The following NUB1 variants were observed in gnomAD, a reference collection of about 807,000 sequenced individuals.
NUB1 encodes the protein negative regulator of ubiquitin like proteins 1, also known as NEDD8 ultimate buster 1.
In NUB1, 41 loss-of-function variants were observed where a neutral mutation model predicts 77.1. The observed-to-expected ratio is 0.53, with a 90% CI of 0.41 to 0.69. The LOEUF is 0.69. Among genes scored for constraint, NUB1 ranks in the 30% least tolerant of loss-of-function variants. The pLI is 0.00. For missense variants in NUB1, 643 were observed against 743.8 expected, an observed-to-expected ratio of 0.86 and a Z score of 1.58; for synonymous variants, 257 against 281.0, an observed-to-expected ratio of 0.91 and a Z score of 0.85.
Position 151,345,831 on chromosome 7 carries a change from C to T in NUB1, c.117+365C>T, listed in dbSNP as rs1796478733. ...CATTCTCGGTCCTCCTTGCTATCATCATCTGCTGTGAAACAATTGCTCCTT... is the reference window on the plus strand; with the variant it reads ...CATTCTCGGTCCTCCTTGCTATCATTATCTGCTGTGAAACAATTGCTCCTT... On this transcript the variant is annotated intron_variant, in intron 2 of 14. Transcript: ENST00000568733. 1.3e-5 allele frequency among the ~76,000 whole-genome samples: 2 copies of T among 152,190 alleles called. 1 individual carries two copies. The highest frequency in any genetic ancestry group is 1.3e-4 in the Admixed American group (2 of 15,274).
In NUB1 at chr7:151,377,058, G is replaced by T; in HGVS notation, c.1681G>T (p.Ala561Ser). The change falls in exon 15 of 15, where the codon GCC (alanine) becomes TCC (serine). Residue 561 changes from alanine to serine, a missense_variant. Transcript: ENST00000568733. ...GTATTTTATTGTAGGAACCTCTAGT[G>T]CCTCAACAGACGAAGACATGGAGAC... ...SPSDSAGTSS[A>S]STDEDMETEA... The T allele has an allele frequency of 6.4e-7, 1 of 1,560,466 alleles. No individual in the cohort carries two copies. Among genetic ancestry groups the T allele is most frequent in the Non-Finnish European group, 8.7e-7 (1 of 1,154,824 alleles).
intron 12 of NUB1, chr7:151,374,653 G>A (rs1189037774): frequency 3.1e-5 from 7 of 223,576 alleles, no homozygotes; most frequent in Non-Finnish European, 4.6e-5. Flanking sequence ...TTAGTCCATC[G>A]TACATGTTGG....
intron 2 of NUB1, among the ~76,000 whole-genome samples, chr7:151,348,569 C>CTTTT (rs59781719): frequency 0.041 from 2,880 of 69,858 alleles, 475 homozygotes; most frequent in Middle Eastern, 0.12. Flanking sequence ...TTGCTTTTTG[C>CTTTT]TTTTTTTTTT....
In NUB1 at chr7:151,378,118, T is replaced by C. The variant is rs988267788; in HGVS notation, c.*893T>C. ...ATGTGACAGAGGCTCTTTCTAAAAG[T>C]ATGTAGTTCGCTGTGTGTCGGCTCC... On this transcript the variant is annotated 3_prime_UTR_variant, in exon 15 of 15. Transcript: ENST00000568733. The C allele has an allele frequency of 4.6e-5, 7 of 152,188 alleles. No homozygotes were observed. Among genetic ancestry groups the C allele is most frequent in the African/African-American group, 1.7e-4 (7 of 41,436 alleles). The allele number at this position is 152,188 out of a possible 1,614,324, so 9.4% of individuals were successfully genotyped here.
At chr7:151,353,304 G>T (rs1189217935) in intron 5 of NUB1, among the ~76,000 whole-genome samples, 1 of 152,130 alleles carries the variant, frequency 6.6e-6, no homozygotes, top group Non-Finnish European at 1.5e-5. Flanking sequence ...GTCCAGTGTG[G>T]CTGTGTGTGG....
At chr7:151,342,003 C>T (rs1299050522) in intron 1 of NUB1, 157 bp downstream of exon 1, 2 of 1,261,032 alleles carry the variant, frequency 1.6e-6, no homozygotes, top group African/African-American at 3.1e-5. Flanking sequence ...GGGGCCGGGG[C>T]CGGGGCCGGG....
chr7:151,356,076 A>G lies in NUB1; in HGVS notation c.599-52A>G, dbSNP rs1797050508. ...GTCTAACATTTTTAAGGCTGTCATC[A>G]TCATAACTGTTTAACATTGAGTTCA... On this transcript the variant is annotated intron_variant, in intron 6 of 14. Coordinates refer to ENST00000568733, the MANE Select transcript of NUB1 (RefSeq NM_001243351.2). 6.4e-6 allele frequency: 10 copies of G among 1,561,370 alleles called. No individual in the cohort carries two copies. The South Asian group carries it at 8.9e-5, about 14-fold the overall frequency.
rs755214893 is a variant in NUB1 at position 151,377,177 on chromosome 7, G to A, written c.1800G>A (p.Glu600=). ...AAGATGAAGAAATTATTATTGCAGAGTACCTATCCTATGTAGAAAATAGGA... is the reference window on the plus strand; with the variant it reads ...AAGATGAAGAAATTATTATTGCAGAATACCTATCCTATGTAGAAAATAGGA... ...TLEDEEIIIA[E]YLSYVENRKS... is the part of the protein sequence containing the mutation. The change falls in exon 15 of 15, where the codon GAG becomes GAA. Residue 600 remains glutamate (E), a synonymous_variant. Transcript: ENST00000568733. The A allele has an allele frequency of 1.1e-5, 17 of 1,585,714 alleles. No individual in the cohort carries two copies. Among genetic ancestry groups the A allele is most frequent in the Admixed American group, 7.2e-5 (4 of 55,360 alleles).
In NUB1 at chr7:151,349,504, G is replaced by A. The variant is rs542201322; in HGVS notation, c.285+264G>A. 1.0e-3 allele frequency among the ~76,000 whole-genome samples: 159 copies of A among 152,330 alleles called. 1 individual carries two copies. The highest frequency in any genetic ancestry group is 6.5e-4 in the African/African-American group (27 of 41,572). ...TTCTGATCCTTTCTAGCGTGTGAAC[G>A]TTGAGAAATAATGGGGAATAAAGGA... On this transcript the variant is annotated intron_variant, in intron 3 of 14. Transcript: ENST00000568733.
intron 9 of NUB1, among the ~76,000 whole-genome samples, 195 bp downstream of exon 9, chr7:151,367,320 T>C (rs555126363): frequency 3.3e-5 from 5 of 152,354 alleles, no homozygotes; most frequent in African/African-American, 1.2e-4. Flanking sequence ...ACTTAGCGTG[T>C]GAGCATTTAG....
chr7:151,352,976 G>A (rs990860464), intron 5 of NUB1, 94 bp downstream of exon 5: 32 of 671,184 alleles, frequency 4.8e-5, no homozygotes, highest in Middle Eastern at 6.1e-4. Flanking sequence ...AAAATTTGTA[G>A]CTTTATTTCA....
intron 2 of NUB1, among the ~76,000 whole-genome samples, chr7:151,346,484 G>A (rs995232136): frequency 6.6e-6 from 1 of 152,192 alleles, no homozygotes; most frequent in African/African-American, 2.4e-5. Flanking sequence ...GTACCAAGCC[G>A]TGATTAGACA....
intron 3 of NUB1, among the ~76,000 whole-genome samples, chr7:151,350,125 C>A (rs1292322806): frequency 6.6e-6 from 1 of 152,242 alleles, no homozygotes; most frequent in South Asian, 2.1e-4. Context: ...TCAGAAAGAT[C>A]AAAGACGTTA....
At chr7:151,353,547 C>G (rs528519187) in intron 5 of NUB1, among the ~76,000 whole-genome samples, 55 of 152,112 alleles carry the variant, frequency 3.6e-4, no homozygotes, top group Non-Finnish European at 7.5e-4. Context: ...ATGTCAGTAG[C>G]GCAGCTGTTG....
rs1584974072 is a variant in NUB1 at position 151,374,168 on chromosome 7, A to C, written c.1320A>C (p.Lys440Asn). The C allele has an allele frequency of 6.3e-7, 1 of 1,576,970 alleles. No individual in the cohort carries two copies. The change falls in exon 12 of 15, where the codon AAA (lysine) becomes AAC (asparagine). Residue 440 changes from lysine to asparagine, a missense_variant. By Grantham distance (94) the Lys-to-Asn change is moderately conservative. Coordinates refer to ENST00000568733, the MANE Select transcript of NUB1 (RefSeq NM_001243351.2). ...RRRLENIRFLKGMGYSTHAAQ... is the reference protein window; with the variant it reads ...RRRLENIRFLNGMGYSTHAAQ... ...GCCTCGAGAACATCAGGTTTCTGAAAGGGATGGGCTACTCCACGCACGCGG... is the reference window on the plus strand; with the variant it reads ...GCCTCGAGAACATCAGGTTTCTGAACGGGATGGGCTACTCCACGCACGCGG...
chr7:151,376,919 A>G, intron 14 of NUB1, 108 bp downstream of exon 14: 1 of 1,435,264 alleles, frequency 7.0e-7, no homozygotes, highest in Non-Finnish European at 9.3e-7. Context: ...GCGTCCCCTG[A>G]CGTCACCGGG....
At chr7:151,346,424 T>C (rs1796508458) in intron 2 of NUB1, among the ~76,000 whole-genome samples, 1 of 152,232 alleles carries the variant, frequency 6.6e-6, no homozygotes, top group African/African-American at 2.4e-5. Flanking sequence ...TTTGTGCTCA[T>C]GAGGCTTGGT....
intron 12 of NUB1, chr7:151,374,511 T>C (rs1273119017): frequency 3.6e-6 from 2 of 553,440 alleles, no homozygotes; most frequent in South Asian, 2.2e-5. Flanking sequence ...GGACTTTGTG[T>C]AGGGTTTCTG....
In NUB1 at chr7:151,367,960, C is replaced by A; in HGVS notation, c.1087C>A (p.Leu363Ile). The change falls in exon 10 of 15, where the codon CTT becomes ATT. Residue 363 changes from leucine (L) to isoleucine (I), a missense_variant. Transcript: ENST00000568733. Reference sequence around the variant, plus strand: ...AAATGATGTAGAGGCTTATGAGTATCTTAACAAGGTAAGAAAAGTAAAGTT... The same window carrying A: ...AAATGATGTAGAGGCTTATGAGTATATTAACAAGGTAAGAAAAGTAAAGTT... Reference protein sequence around the residue: ...SGNDVEAYEYLNKARQLFKEL... With the variant: ...SGNDVEAYEYINKARQLFKEL... 1 of 1,563,044 alleles carries A rather than the reference C, an allele frequency of 6.4e-7. No individual in the cohort carries two copies. Among genetic ancestry groups the A allele is most frequent in the South Asian group, 1.2e-5 (1 of 84,170 alleles).
Sources: allele counts gnomAD v4.1 joint callset (sites outside exome capture counted in the v4.1 genomes callset), GRCh38; gene constraint gnomAD v4.1.1; transcripts MANE v1.5; gene names NCBI Gene and HGNC (gene_info 2026-07-23, HGNC 2026-07-21).